The following DPP10 variants were observed in gnomAD, a reference collection of about 807,000 sequenced individuals.
DPP10 encodes dipeptidyl peptidase like 10.
DPP10 carries 33 observed loss-of-function variants against 120.9 expected under a neutral mutation model. The observed-to-expected ratio is 0.27, with a 90% confidence interval of 0.21 to 0.37. The LOEUF (loss-of-function observed/expected upper bound fraction) is 0.37. DPP10 is among the 10% of genes least tolerant of loss of function. The pLI is 1.00. For missense variants in DPP10, 816 were observed against 942.8 expected, an observed-to-expected ratio of 0.87 and a Z score of 1.76; for synonymous variants, 337 against 326.1, an observed-to-expected ratio of 1.03 and a Z score of -0.36.
chr2:115,743,641 C>T lies in DPP10; in HGVS notation c.853-2445C>T, dbSNP rs534442184. Among the ~76,000 whole-genome samples the T allele has an allele frequency of 1.1e-4, 16 of 141,474 alleles. No homozygotes were observed. The East Asian group carries it at 3.1e-3, about 27-fold the overall frequency. The allele number at this position is 141,474 out of a possible 152,430, so 92.8% of individuals were successfully genotyped here. On this transcript the variant is annotated intron_variant, in intron 9 of 25. Transcript: ENST00000410059. ...ACTATTTTAGGCACTTTACATAAAT[C>T]TTTTTATTAGTTTATGAGATATTCT... is the stretch of plus-strand genomic sequence containing the variant.
At chr2:115,655,084 A>G (rs558676948) in intron 5 of DPP10, among the ~76,000 whole-genome samples, 1 of 151,820 alleles carries the variant, frequency 6.6e-6, no homozygotes, top group Admixed American at 6.6e-5. Flanking sequence ...TTGCAACTTC[A>G]CCCTTTGATT....
intron 19 of DPP10, among the ~76,000 whole-genome samples, chr2:115,812,077 A>C (rs940298247): frequency 6.6e-6 from 1 of 152,206 alleles, no homozygotes; most frequent in African/African-American, 2.4e-5. Context: ...TCTTTGAGGA[A>C]AATATGGTAG....
intron 3 of DPP10, among the ~76,000 whole-genome samples, chr2:115,410,041 G>A (rs1559559970): frequency 1.3e-5 from 2 of 152,150 alleles, no homozygotes; most frequent in Admixed American, 6.6e-5. Flanking sequence ...GTTAATTTTT[G>A]TATAAGGTGT....
intron 1 of DPP10, among the ~76,000 whole-genome samples, chr2:114,618,052 G>A (rs1037324992): frequency 1.3e-5 from 2 of 152,026 alleles, no homozygotes; most frequent in South Asian, 4.1e-4. Context: ...ATGGGTCCAC[G>A]CAGTGTATTT....
intron 1 of DPP10, among the ~76,000 whole-genome samples, chr2:114,492,200 G>A (rs1040951331): frequency 1.9e-4 from 29 of 151,970 alleles, no homozygotes; most frequent in Non-Finnish European, 3.1e-4. Context: ...ATTATTCACC[G>A]AGCGACTCTT....
At chr2:115,023,846 A>G (rs1304146133) in intron 1 of DPP10, among the ~76,000 whole-genome samples, 3 of 152,130 alleles carry the variant, frequency 2.0e-5, no homozygotes, top group Non-Finnish European at 4.4e-5. Context: ...GGAGCAAAAT[A>G]ATGACATTCA....
At chr2:114,477,862 T>C (rs143802203) in intron 1 of DPP10, among the ~76,000 whole-genome samples, 1,605 of 148,738 alleles carry the variant, frequency 0.011, 35 homozygotes, top group African/African-American at 0.038. Context: ...TAAATATATG[T>C]ATATATGTAC....
intron 7 of DPP10, among the ~76,000 whole-genome samples, chr2:115,702,241 A>G (rs2091921642): frequency 6.6e-6 from 1 of 151,982 alleles, no homozygotes; most frequent in South Asian, 2.1e-4. Context: ...ACCCTCAGAG[A>G]GTGCTGGTGG....
intron 4 of DPP10, among the ~76,000 whole-genome samples, chr2:115,501,878 A>G (rs6734571): frequency 0.21 from 32,282 of 151,998 alleles, 3,941 homozygotes; most frequent in East Asian, 0.39. Context: ...CTGTTGAAAA[A>G]TATATTTTAT....
intron 5 of DPP10, among the ~76,000 whole-genome samples, chr2:115,635,215 G>T (rs951121770): frequency 6.6e-6 from 1 of 151,622 alleles, no homozygotes. Flanking sequence ...TGCAGCCACA[G>T]TGATGATGGC....
intron 1 of DPP10, among the ~76,000 whole-genome samples, chr2:114,632,783 A>T (rs1180544594): frequency 6.6e-6 from 1 of 152,124 alleles, no homozygotes; most frequent in Non-Finnish European, 1.5e-5. Context: ...AAGTGCTGGG[A>T]TTACAGGCGT....
At chr2:115,687,654 G>C (rs1247604320) in intron 5 of DPP10, among the ~76,000 whole-genome samples, 1 of 151,988 alleles carries the variant, frequency 6.6e-6, no homozygotes, top group Non-Finnish European at 1.5e-5. Context: ...TTGTTATCAG[G>C]CTAAGAACTA....
intron 1 of DPP10, among the ~76,000 whole-genome samples, chr2:114,887,294 C>T (rs1453806845): frequency 1.3e-5 from 2 of 152,124 alleles, no homozygotes; most frequent in East Asian, 3.8e-4. Context: ...TTAGAGGAGA[C>T]TAAAATTTAA....
chr2:114,628,767 C>T (rs561969927), intron 1 of DPP10, among the ~76,000 whole-genome samples: 4 of 152,106 alleles, frequency 2.6e-5, no homozygotes, highest in Admixed American at 6.6e-5. Flanking sequence ...AATGGGCGAA[C>T]GAACGGCTGT....
chr2:114,498,835 C>T (rs547991582), intron 1 of DPP10, among the ~76,000 whole-genome samples: 20 of 152,182 alleles, frequency 1.3e-4, no homozygotes, highest in Non-Finnish European at 2.4e-4. Context: ...ACACTGAAGA[C>T]ACAGCATCTG....
chr2:114,544,349 T>C (rs572105159), intron 1 of DPP10, among the ~76,000 whole-genome samples: 22 of 152,374 alleles, frequency 1.4e-4, no homozygotes, highest in African/African-American at 5.0e-4. Flanking sequence ...CTTTTGTTCA[T>C]ATTCTTGGCA....
intron 1 of DPP10, among the ~76,000 whole-genome samples, chr2:114,695,989 C>T (rs1282491287): frequency 3.9e-5 from 6 of 151,956 alleles, no homozygotes; most frequent in Non-Finnish European, 7.4e-5. Flanking sequence ...TATATTGAAC[C>T]AGCACAAAAT....
intron 1 of DPP10, among the ~76,000 whole-genome samples, chr2:114,756,595 C>T (rs1053158568): frequency 1.3e-5 from 2 of 152,164 alleles, no homozygotes; most frequent in Non-Finnish European, 2.9e-5. Context: ...AGGCATCTTC[C>T]TAAAGCACTG....
intron 3 of DPP10, among the ~76,000 whole-genome samples, chr2:115,497,638 A>G (rs1558758699): frequency 6.6e-6 from 1 of 151,466 alleles, no homozygotes; most frequent in Non-Finnish European, 1.5e-5. Context: ...ATCACAATCA[A>G]GAAGTGGGCC....
Sources: allele counts gnomAD v4.1 joint callset (sites outside exome capture counted in the v4.1 genomes callset), GRCh38; gene constraint gnomAD v4.1.1; transcripts MANE v1.5; gene names NCBI Gene and HGNC (gene_info 2026-07-23, HGNC 2026-07-21).